Variants in KLRF1 observed in about 807,000 individuals in gnomAD.
KLRF1 encodes the protein killer cell lectin like receptor F1, also known as killer cell lectin-like receptor subfamily F member 1.
In KLRF1, 27 loss-of-function variants were observed where a neutral mutation model predicts 30.7. The observed-to-expected ratio is 0.88, with a 90% CI of 0.65 to 1.21. The LOEUF is 1.21. KLRF1 is among the 50% of genes most tolerant of loss of function. The pLI is 0.00. For missense variants in KLRF1, 246 were observed against 259.3 expected, an observed-to-expected ratio of 0.95 and a Z score of 0.35; for synonymous variants, 92 against 89.3, an observed-to-expected ratio of 1.03 and a Z score of -0.17.
upstream of KLRF1, among the ~76,000 whole-genome samples, chr12:9,825,002 A>C (rs747559702): frequency 4.6e-5 from 7 of 152,336 alleles, no homozygotes; most frequent in East Asian, 1.3e-3. Context: ...TTCCATGCTC[A>C]TGGATCAGAA....
At chr12:9,836,249 C>T (rs915942755) in intron 3 of KLRF1, among the ~76,000 whole-genome samples, 1 of 151,942 alleles carries the variant, frequency 6.6e-6, no homozygotes, top group East Asian at 1.9e-4. Context: ...ACGAAGTTAC[C>T]CCCACTACTT....
chr12:9,820,184 G>A, the KLRF1 span, among the ~76,000 whole-genome samples: 1 of 152,194 alleles, frequency 6.6e-6, no homozygotes, highest in South Asian at 2.1e-4. Flanking sequence ...ACCTCCCTGG[G>A]ATGGAGCTCC....
chr12:9,814,748 G>A, the KLRF1 span, among the ~76,000 whole-genome samples: 2 of 152,188 alleles, frequency 1.3e-5, no homozygotes, highest in African/African-American at 4.8e-5. Context: ...TCCTTTGGGG[G>A]CCCGAGGGCT....
Position 9,827,576 on chromosome 12 carries a change from A to C in KLRF1, c.32A>C (p.Asn11Thr). Residue 11 changes from asparagine to threonine, a missense_variant, in exon 1 of 6, where the codon AAT becomes ACT. By Grantham distance (65) the Asn-to-Thr change is moderately conservative (BLOSUM62 0). Coordinates refer to ENST00000617889, the MANE Select transcript of KLRF1 (RefSeq NM_016523.3). ...GATGAAGAAAGATACATGACATTGA[A>C]TGTACAGTCAAAGAAAAGGAGTTCT... MQDEERYMTL[N>T]VQSKKRSSAQ... is the part of the protein sequence containing the mutation. The C allele has an allele frequency of 6.2e-7, 1 of 1,608,030 alleles. No individual in the cohort carries two copies. The highest frequency in any genetic ancestry group is 1.3e-5 in the African/African-American group (1 of 74,864).
intron 3 of KLRF1, among the ~76,000 whole-genome samples, chr12:9,835,018 G>T (rs1867539640): frequency 6.6e-6 from 1 of 152,088 alleles, no homozygotes; most frequent in Admixed American, 6.6e-5. Context: ...CGTGACAGAG[G>T]TTGAAATGCC....
chr12:9,807,338 C>T, the KLRF1 span, among the ~76,000 whole-genome samples: 1 of 151,896 alleles, frequency 6.6e-6, no homozygotes, highest in Non-Finnish European at 1.5e-5. Context: ...TTAGATTTTG[C>T]TATATTAACC....
intron 3 of KLRF1, among the ~76,000 whole-genome samples, chr12:9,841,550 G>A (rs924152037): frequency 2.0e-5 from 3 of 151,924 alleles, no homozygotes; most frequent in African/African-American, 7.3e-5. Context: ...TTTTGTTCAT[G>A]CTATTTTAGT....
upstream of KLRF1, among the ~76,000 whole-genome samples, chr12:9,823,052 C>G (rs1369911799): frequency 6.6e-6 from 1 of 151,830 alleles, no homozygotes; most frequent in Non-Finnish European, 1.5e-5. Context: ...ATCAAGGGAG[C>G]AAATTAACAA....
the KLRF1 span, among the ~76,000 whole-genome samples, chr12:9,801,852 A>G: frequency 1.3e-5 from 2 of 152,042 alleles, no homozygotes; most frequent in African/African-American, 4.8e-5. Flanking sequence ...CTTTAGTTTA[A>G]TTAGATCCCA....
chr12:9,819,328 C>T, the KLRF1 span, among the ~76,000 whole-genome samples: 45 of 152,252 alleles, frequency 3.0e-4, no homozygotes, highest in South Asian at 5.8e-3. Context: ...TTCCATGGCA[C>T]CTCACAGGAT....
At chr12:9,828,543 CAA>C (rs1867335936) in intron 1 of KLRF1, among the ~76,000 whole-genome samples, 1 of 152,130 alleles carries the variant, frequency 6.6e-6, no homozygotes. Context: ...TGTGATTTGG[CAA>C]AAGAGATAAG....
the KLRF1 span, among the ~76,000 whole-genome samples, chr12:9,811,266 C>T: frequency 6.7e-3 from 778 of 116,380 alleles, 13 homozygotes; most frequent in African/African-American, 0.025. Flanking sequence ...ACACATCAGA[C>T]AACTGCAGAG....
Position 9,844,536 on chromosome 12 carries a change from A to G in KLRF1, c.*10A>G. The G allele has an allele frequency of 2.1e-6, 3 of 1,402,348 alleles. No homozygotes were observed. The highest frequency in any genetic ancestry group is 3.0e-6 in the Non-Finnish European group (3 of 992,754). The allele number at this position is 1,402,348 out of a possible 1,614,324, so 86.9% of individuals were successfully genotyped here. A position where few individuals can be genotyped will look rare whatever the true frequency, so the allele number is the denominator to read the frequency against. ...GATTTGTCAGTATTAGAGTTTGACA[A>G]AATTCACAGTGAAATAATCAATGAT... On this transcript the variant is annotated 3_prime_UTR_variant, in exon 6 of 6. Coordinates refer to ENST00000617889, the MANE Select transcript of KLRF1 (RefSeq NM_016523.3).
chr12:9,828,637 A>C (rs1198455868), intron 1 of KLRF1, among the ~76,000 whole-genome samples: 2 of 152,150 alleles, frequency 1.3e-5, no homozygotes, highest in African/African-American at 2.4e-5. Flanking sequence ...CTCTTTTAAT[A>C]ACTTCACCCA....
upstream of KLRF1, among the ~76,000 whole-genome samples, chr12:9,826,115 T>C (rs1867278811): frequency 6.6e-6 from 1 of 152,226 alleles, no homozygotes; most frequent in African/African-American, 2.4e-5. Context: ...GGGTATATTG[T>C]GTTTTTAAAA....
the KLRF1 span, among the ~76,000 whole-genome samples, chr12:9,811,524 T>A: frequency 6.6e-6 from 1 of 152,090 alleles, no homozygotes; most frequent in East Asian, 1.9e-4. Flanking sequence ...ACTTGCCCCC[T>A]TAATGGTCCC....
At chr12:9,844,324 T>A in intron 5 of KLRF1, 94 bp from the exon 6 acceptor site, 1 of 663,678 alleles carries the variant, frequency 1.5e-6, no homozygotes, top group Non-Finnish European at 2.6e-6. Context: ...AGATTTTGAA[T>A]TACTTTTTTA....
intron 2 of KLRF1, among the ~76,000 whole-genome samples, chr12:9,832,825 C>T (rs892510770): frequency 6.6e-6 from 1 of 151,884 alleles, no homozygotes; most frequent in Non-Finnish European, 1.5e-5. Flanking sequence ...TTCCTTTTGT[C>T]CAGCAAATAT....
chr12:9,837,457 A>G (rs1240757200), intron 3 of KLRF1, among the ~76,000 whole-genome samples: 1 of 152,020 alleles, frequency 6.6e-6, no homozygotes, highest in East Asian at 1.9e-4. Context: ...GTGTGTGCAG[A>G]GCTTAAAGGT....
Sources: gnomAD v4.1 joint callset for allele counts (sites outside exome capture counted in the v4.1 genomes callset) on GRCh38, gnomAD v4.1.1 for gene constraint, MANE v1.5 for transcripts, NCBI Gene and HGNC (gene_info 2026-07-23, HGNC 2026-07-21) for gene names.